Variants in TXK observed in about 807,000 individuals in gnomAD.
TXK encodes TXK tyrosine kinase.
TXK carries 60 observed loss-of-function variants against 81.0 expected under a neutral mutation model. That is an observed-to-expected ratio of 0.74 (90% CI 0.60 to 0.92). The LOEUF is 0.92. Among genes scored for constraint, TXK ranks in the 40% least tolerant of loss-of-function variants. The pLI is 0.00. For missense variants in TXK, 581 were observed against 638.3 expected (o/e 0.91, Z 0.97); for synonymous variants, 203 against 210.7 (o/e 0.96, Z 0.32).
At chr4:48,110,651 G>A (rs753592932) in intron 4 of TXK, 48 bp from the exon 5 acceptor site, 12 of 1,395,298 alleles carry the variant, frequency 8.6e-6, no homozygotes, top group Non-Finnish European at 1.2e-5. Context: ...CATGTTTGTG[G>A]CATTATCATG....
intron 1 of TXK, among the ~76,000 whole-genome samples, chr4:48,129,857 G>A (rs1385617372): frequency 2.6e-5 from 4 of 152,080 alleles, no homozygotes; most frequent in Non-Finnish European, 4.4e-5. Context: ...TAATAAGCTC[G>A]CAGACATCAC....
At chr4:48,077,041 G>A (rs1717098167) in intron 11 of TXK, among the ~76,000 whole-genome samples, 1 of 151,852 alleles carries the variant, frequency 6.6e-6, no homozygotes, top group Non-Finnish European at 1.5e-5. Flanking sequence ...TAACAGATAA[G>A]GCATAGTCAT....
At position 48,089,835 on chromosome 4, in the gene TXK, A is replaced by G. The variant is rs1439011365; in HGVS notation, c.710-11T>C. 1 of 1,602,300 alleles carries G rather than the reference A, an allele frequency of 6.2e-7. No individual in the cohort carries two copies. Among genetic ancestry groups the G allele is most frequent in the Non-Finnish European group, 8.5e-7 (1 of 1,169,618 alleles). On this transcript the variant is annotated splice_polypyrimidine_tract_variant and intron_variant, in intron 8 of 14. Transcript: ENST00000264316. ...GACGAGTCATGAGACCTAAGGAGAA[A>G]GAGAAATCAATATTTCAAGCCTAGT...
At chr4:48,075,523 G>A (rs1717032270) in intron 12 of TXK, among the ~76,000 whole-genome samples, 2 of 152,076 alleles carry the variant, frequency 1.3e-5, no homozygotes, top group Admixed American at 1.3e-4. Context: ...GGTGGCATGT[G>A]CCTGTAGTTC....
intron 1 of TXK, among the ~76,000 whole-genome samples, chr4:48,122,711 A>G (rs1718990461): frequency 6.6e-6 from 1 of 152,266 alleles, no homozygotes; most frequent in Non-Finnish European, 1.5e-5. Context: ...CAGTGAATGA[A>G]TGAATGAATG....
intron 5 of TXK, among the ~76,000 whole-genome samples, chr4:48,107,532 TTA>T (rs558198586): frequency 2.7e-4 from 41 of 152,014 alleles, no homozygotes; most frequent in Non-Finnish European, 5.1e-4. Flanking sequence ...ACACTACAGT[TTA>T]TTTTATTTTT....
At chr4:48,125,179 A>G (rs1304823092) in intron 1 of TXK, among the ~76,000 whole-genome samples, 1 of 152,236 alleles carries the variant, frequency 6.6e-6, no homozygotes, top group Admixed American at 6.5e-5. Context: ...AAAGCAGCTG[A>G]GCCAGAAGTC....
At chr4:48,126,787 G>A (rs1179952353) in intron 1 of TXK, among the ~76,000 whole-genome samples, 1 of 152,186 alleles carries the variant, frequency 6.6e-6, no homozygotes, top group Non-Finnish European at 1.5e-5. Context: ...ACAGGCAGGA[G>A]CCACCATGCC....
chr4:48,067,839 C>T (rs1716671118), intron 14 of TXK, 134 bp from the exon 15 acceptor site: 1 of 874,984 alleles, frequency 1.1e-6, no homozygotes, highest in South Asian at 1.6e-5. Context: ...TGATTTTTCA[C>T]TCATGCAAAA....
chr4:48,082,370 T>C (rs1362332332), intron 10 of TXK, among the ~76,000 whole-genome samples: 1 of 152,152 alleles, frequency 6.6e-6, no homozygotes, highest in African/African-American at 2.4e-5. Flanking sequence ...ACATTTACAA[T>C]CTATTTTCCC....
At chr4:48,126,753 T>G (rs1719100174) in intron 1 of TXK, among the ~76,000 whole-genome samples, 1 of 152,180 alleles carries the variant, frequency 6.6e-6, no homozygotes, top group South Asian at 2.1e-4. Context: ...ATCCCCCTCT[T>G]TGGCCTCCCA....
intron 8 of TXK, 101 bp from the exon 9 acceptor site, chr4:48,089,925 A>C (rs1013849702): frequency 1.3e-6 from 1 of 795,688 alleles, no homozygotes; most frequent in Non-Finnish European, 2.0e-6. Context: ...TAATTAGACA[A>C]ACAAAATTCA....
intron 1 of TXK, among the ~76,000 whole-genome samples, chr4:48,120,355 C>T (rs772977482): frequency 5.3e-5 from 8 of 149,576 alleles, no homozygotes; most frequent in Admixed American, 2.0e-4. Context: ...TACGTATATA[C>T]GTATGTATAT....
intron 8 of TXK, 141 bp downstream of exon 8, chr4:48,093,936 G>C: frequency 8.5e-7 from 1 of 1,181,634 alleles, no homozygotes. Context: ...AAAGATAATT[G>C]CTCAAAAGAT....
rs1717226814 is a variant in TXK at position 48,079,903 on chromosome 4, C to T, written c.1173+9G>A. ...ACAAAAAAAAAAAGTAAATTTGCAC[C>T]ATACTTACCAAATCCCTATGAATAT... On this transcript the variant is annotated intron_variant, in intron 11 of 14. Transcript: ENST00000264316. 2 of 1,603,562 alleles carry T rather than the reference C, an allele frequency of 1.2e-6. No homozygotes were observed. Among genetic ancestry groups the T allele is most frequent in the Admixed American group, 3.3e-5 (2 of 59,794 alleles).
At chr4:48,116,225 A>T (rs1398535218) in intron 1 of TXK, among the ~76,000 whole-genome samples, 1 of 152,208 alleles carries the variant, frequency 6.6e-6, no homozygotes, top group Non-Finnish European at 1.5e-5. Flanking sequence ...AGGATGCCTA[A>T]CATGTAAGCC....
intron 13 of TXK, among the ~76,000 whole-genome samples, chr4:48,072,265 A>C (rs1716893840): frequency 6.6e-6 from 1 of 152,184 alleles, no homozygotes. Context: ...AGCCTCCCAA[A>C]GTGCTGGAAT....
intron 14 of TXK, among the ~76,000 whole-genome samples, chr4:48,069,460 G>A (rs184226872): frequency 6.6e-6 from 1 of 151,688 alleles, no homozygotes; most frequent in Admixed American, 6.6e-5. Flanking sequence ...TGAGTAGCTG[G>A]GATTACAGGT....
chr4:48,071,545 T>C lies in TXK; in HGVS notation c.1487A>G (p.Tyr496Cys). The C allele has an allele frequency of 6.2e-7, 1 of 1,614,118 alleles. No homozygotes were observed. The highest frequency in any genetic ancestry group is 2.2e-5 in the East Asian group (1 of 44,878). The change falls in exon 14 of 15, where the codon TAT becomes TGT. Residue 496 changes from tyrosine to cysteine, a missense_variant. Transcript: ENST00000264316. ...YRPHLAPMSIYEVMYSCWHEK... is the reference protein window; with the variant it reads ...YRPHLAPMSICEVMYSCWHEK... ...ATGCCAGCAGCTGTACATGACTTCA[T>C]ATATGGACATTGGTGCCAGGTGAGG...
Sources: allele counts gnomAD v4.1 joint callset (sites outside exome capture counted in the v4.1 genomes callset), GRCh38; gene constraint gnomAD v4.1.1; transcripts MANE v1.5; gene names NCBI Gene and HGNC (gene_info 2026-07-23, HGNC 2026-07-21).